GRIP1: variants seen among roughly 807,000 people sequenced by gnomAD.
The protein encoded by GRIP1 is glutamate receptor interacting protein 1.
Under a neutral mutation model 129.9 loss-of-function variants are expected in GRIP1, and 45 were observed. That is an observed-to-expected ratio of 0.35 (90% CI 0.27 to 0.44). The LOEUF (loss-of-function observed/expected upper bound fraction) is 0.44. GRIP1 is among the 20% of genes least tolerant of loss of function. The pLI, the probability that GRIP1 is intolerant of heterozygous loss-of-function variation, is 1.00. For synonymous variants in GRIP1, 530 were observed against 520.8 expected, an observed-to-expected ratio of 1.02 and a Z score of -0.24; for missense variants, 1,196 against 1,396.8, an observed-to-expected ratio of 0.86 and a Z score of 2.29.
intron 1 of GRIP1, among the ~76,000 whole-genome samples, chr12:67,030,994 C>T (rs537613780): frequency 1.3e-5 from 2 of 152,068 alleles, no homozygotes; most frequent in South Asian, 2.1e-4. Context: ...TTTCTTTGTA[C>T]ATATATAACC....
At chr12:66,988,783 C>T (rs1001544697) in intron 1 of GRIP1, among the ~76,000 whole-genome samples, 3 of 152,012 alleles carry the variant, frequency 2.0e-5, no homozygotes, top group Non-Finnish European at 2.9e-5. Flanking sequence ...TTTCATTTAT[C>T]CAGTTACTCA....
chr12:66,647,655 T>G (rs2032479115), intron 1 of GRIP1, among the ~76,000 whole-genome samples: 2 of 152,198 alleles, frequency 1.3e-5, no homozygotes, highest in African/African-American at 4.8e-5. Context: ...ATAAGACCCT[T>G]ATTAGGGATG....
At chr12:66,360,179 AT>A (rs762881398) in intron 23 of GRIP1, among the ~76,000 whole-genome samples, 1 of 120,132 alleles carries the variant, frequency 8.3e-6, no homozygotes, top group African/African-American at 3.1e-5. Context: ...CCAAATCATG[AT>A]TTTTTTTTTT....
intron 1 of GRIP1, among the ~76,000 whole-genome samples, chr12:66,961,717 C>T (rs562691729): frequency 3.3e-4 from 50 of 152,138 alleles, no homozygotes; most frequent in African/African-American, 1.2e-3. Context: ...CTTACATAGG[C>T]ATTTGTTTAG....
chr12:66,825,913 A>T (rs944154598), intron 1 of GRIP1, among the ~76,000 whole-genome samples: 19 of 152,210 alleles, frequency 1.2e-4, no homozygotes, highest in Non-Finnish European at 2.2e-4. Flanking sequence ...TTCTTCAAGG[A>T]TCTAGAACCA....
chr12:66,947,798 C>A (rs2041695455), intron 1 of GRIP1, among the ~76,000 whole-genome samples: 1 of 152,218 alleles, frequency 6.6e-6, no homozygotes, highest in Non-Finnish European at 1.5e-5. Flanking sequence ...GATTTACCAA[C>A]CTGATCAATA....
chr12:66,767,014 T>C lies in GRIP1; in HGVS notation c.-420+37039A>G, dbSNP rs1468004566. Among the ~76,000 whole-genome samples the C allele has an allele frequency of 3.9e-5, 6 of 152,190 alleles. No individual in the cohort carries two copies. In the South Asian group the frequency reaches 6.2e-4, roughly 16 times the overall value. ...ATACATTAGGTTTGTCTTTAAGTAA[T>C]AGGAGACTCAAAACTCTATACTACA... On this transcript the variant is annotated intron_variant, in intron 1 of 4. Transcript: ENST00000538373.
chr12:66,896,463 T>C (rs1303078131), intron 1 of GRIP1, among the ~76,000 whole-genome samples: 2 of 125,142 alleles, frequency 1.6e-5, no homozygotes, highest in African/African-American at 5.5e-5. Flanking sequence ...TGTGAGAATA[T>C]TACCTCTGAG....
At chr12:66,689,430 T>C (rs2034898886) in intron 1 of GRIP1, among the ~76,000 whole-genome samples, 1 of 152,186 alleles carries the variant, frequency 6.6e-6, no homozygotes, top group Non-Finnish European at 1.5e-5. Flanking sequence ...ATCATCAACA[T>C]GGCTAGCACT....
rs144533187 is a variant in GRIP1 at position 67,030,179 on chromosome 12, C to G, written c.58+38871G>C. 9.4e-3 allele frequency among the ~76,000 whole-genome samples: 1,413 copies of G among 150,878 alleles called. 25 individuals carry two copies. Among genetic ancestry groups the G allele is most frequent in the African/African-American group, 0.032 (1,335 of 41,186 alleles). The stretch of plus-strand genomic sequence containing the variant: ...TGAGCCAAGATCGCCCCACTGCACT[C>G]CAGCCTGGGTAACAGAGCGAGACTC... On this transcript the variant is annotated intron_variant, in intron 1 of 1. Coordinates refer to the GRIP1 transcript ENST00000643019.
intron 1 of GRIP1, among the ~76,000 whole-genome samples, chr12:66,969,520 C>T (rs1232100202): frequency 1.3e-5 from 2 of 152,102 alleles, no homozygotes; most frequent in African/African-American, 2.4e-5. Context: ...CCAATCCTCC[C>T]ACCTTAGCCT....
intron 1 of GRIP1, among the ~76,000 whole-genome samples, chr12:66,845,092 G>A (rs532973416): frequency 1.3e-5 from 2 of 152,230 alleles, no homozygotes; most frequent in South Asian, 4.2e-4. Context: ...AAATGGTTAA[G>A]ATAGCAAATT....
chr12:66,740,885 C>G (rs1053121249), intron 1 of GRIP1, among the ~76,000 whole-genome samples: 30 of 152,084 alleles, frequency 2.0e-4, no homozygotes, highest in African/African-American at 7.2e-4. Context: ...TTTCTCAACC[C>G]TGGGTGGAGG....
At position 66,695,184 on chromosome 12, in the gene GRIP1, A is replaced by AC. The variant is rs767982045; in HGVS notation, c.-419-64849dup. On this transcript the variant is annotated intron_variant, in intron 1 of 4. Coordinates refer to the GRIP1 transcript ENST00000538373. The stretch of plus-strand genomic sequence containing the variant: ...TCCTCTGGGTGGAGAAGTGGGGCTG[A>AC]CCATGTGTGAGGAGGAGCCTTGCTC... 7.2e-5 allele frequency among the ~76,000 whole-genome samples: 11 copies of AC among 152,134 alleles called. No homozygotes were observed. In the East Asian group the frequency reaches 1.2e-3, roughly 16 times the overall value.
chr12:66,548,972 C>T (rs1035477114), intron 2 of GRIP1, among the ~76,000 whole-genome samples: 1 of 152,166 alleles, frequency 6.6e-6, no homozygotes, highest in South Asian at 2.1e-4. Flanking sequence ...CCACTAGAGG[C>T]ATATTCAGCA....
At chr12:67,050,517 A>T (rs2043326898) in intron 1 of GRIP1, among the ~76,000 whole-genome samples, 1 of 152,236 alleles carries the variant, frequency 6.6e-6, no homozygotes, top group Non-Finnish European at 1.5e-5. Context: ...ATTGGAAAAA[A>T]AAGAGCAGAG....
intron 19 of GRIP1, among the ~76,000 whole-genome samples, chr12:66,382,221 C>T (rs1436279982): frequency 6.6e-6 from 1 of 152,068 alleles, no homozygotes. Context: ...AAAGTGAGAT[C>T]CTATCTCCAA....
At chr12:66,931,315 A>G (rs1165062742) in intron 1 of GRIP1, among the ~76,000 whole-genome samples, 1 of 152,224 alleles carries the variant, frequency 6.6e-6, no homozygotes, top group African/African-American at 2.4e-5. Flanking sequence ...ATCAATGCCA[A>G]TGATCTCATC....
chr12:66,846,511 T>C (rs1048527842), intron 1 of GRIP1, among the ~76,000 whole-genome samples: 1 of 152,324 alleles, frequency 6.6e-6, no homozygotes, highest in East Asian at 1.9e-4. Context: ...AGCATTGTTT[T>C]AATAGGCTTT....
Sources: allele counts gnomAD v4.1 joint callset (sites outside exome capture counted in the v4.1 genomes callset), GRCh38; gene constraint gnomAD v4.1.1; transcripts MANE v1.5; gene names NCBI Gene and HGNC (gene_info 2026-07-23, HGNC 2026-07-21).